EGFR: variants seen among roughly 807,000 people sequenced by gnomAD.
EGFR encodes the protein avian erythroblastic leukemia viral (v-erb-b) oncogene homolog.
A neutral mutation model predicts 143.0 loss-of-function variants in EGFR; 58 were observed. That is an observed-to-expected ratio of 0.41 (90% confidence interval 0.33 to 0.50). The LOEUF is 0.50. EGFR is among the 20% of genes least tolerant of loss of function. EGFR has a pLI of 0.39. For synonymous variants in EGFR, 613 were observed against 594.4 expected, an observed-to-expected ratio of 1.03 and a Z score of -0.45; for missense variants, 1,307 against 1,579.0, an observed-to-expected ratio of 0.83 and a Z score of 2.92.
chr7:55,169,500 C>T (rs938046141), intron 15 of EGFR, among the ~76,000 whole-genome samples: 2 of 152,022 alleles, frequency 1.3e-5, no homozygotes, highest in African/African-American at 4.8e-5. Context: ...TGAAAATTTG[C>T]CTATTTTAAT....
intron 1 of EGFR, among the ~76,000 whole-genome samples, chr7:55,057,168 A>G (rs1159932742): frequency 6.6e-6 from 1 of 152,220 alleles, no homozygotes; most frequent in Non-Finnish European, 1.5e-5. Flanking sequence ...GCTTACAGGG[A>G]GGCCAATTTT....
chr7:55,198,712 C>G lies in EGFR; in HGVS notation c.2702-5C>G, dbSNP rs754109027. On this transcript the variant is annotated splice_region_variant and splice_polypyrimidine_tract_variant and intron_variant, in intron 22 of 27. Transcript: ENST00000275493. ...CTGCCTTCTTTTCTTGCTTCATCCT[C>G]TCAGGGGTGACTGTTTGGGAGTTGA... The G allele has an allele frequency of 6.2e-7, 1 of 1,614,104 alleles. No homozygotes were observed. The highest frequency in any genetic ancestry group is 8.5e-7 in the Non-Finnish European group (1 of 1,180,044).
At chr7:55,101,059 C>A (rs1456623333) in intron 1 of EGFR, among the ~76,000 whole-genome samples, 1 of 152,248 alleles carries the variant, frequency 6.6e-6, no homozygotes, top group South Asian at 2.1e-4. Context: ...CCTCCCGCGG[C>A]TGAGCAGCCT....
chr7:55,153,241 G>A (rs17336612), intron 6 of EGFR, among the ~76,000 whole-genome samples: 48 of 152,184 alleles, frequency 3.2e-4, no homozygotes, highest in African/African-American at 1.1e-3. Flanking sequence ...ACTCACTGTC[G>A]CCCCATTGCT....
intron 1 of EGFR, among the ~76,000 whole-genome samples, chr7:55,135,412 A>G (rs908575181): frequency 6.6e-6 from 1 of 152,046 alleles, no homozygotes; most frequent in Non-Finnish European, 1.5e-5. Context: ...TGAGTATCAC[A>G]TGTGTATTTT....
At chr7:55,061,641 TGTGTGTGTGA>T (rs1039095135) in intron 1 of EGFR, among the ~76,000 whole-genome samples, 12 of 139,912 alleles carry the variant, frequency 8.6e-5, no homozygotes, top group African/African-American at 2.7e-4. Flanking sequence ...TGTGTGTGTG[TGTGTGTGTGA>T]GAGAGAGAGA....
intron 22 of EGFR, among the ~76,000 whole-genome samples, chr7:55,197,915 G>C (rs889813577): frequency 6.6e-6 from 1 of 152,152 alleles, no homozygotes; most frequent in Non-Finnish European, 1.5e-5. Context: ...ATTTTGTTGA[G>C]GATTTTTATG....
At chr7:55,200,529 A>C (rs1584270069) in intron 24 of EGFR, 116 bp downstream of exon 24, 5 of 1,047,674 alleles carry the variant, frequency 4.8e-6, no homozygotes, top group East Asian at 2.5e-5. Context: ...GCATTATTAA[A>C]CCCTCCAGCG....
chr7:55,169,099 A>ATTTTT (rs750170891), intron 15 of EGFR, among the ~76,000 whole-genome samples: 1 of 145,654 alleles, frequency 6.9e-6, no homozygotes, highest in African/African-American at 2.5e-5. Flanking sequence ...AGGAATAGCT[A>ATTTTT]TTTCTTTTTT....
At chr7:55,111,017 C>CT (rs1562722896) in intron 1 of EGFR, among the ~76,000 whole-genome samples, 1 of 152,176 alleles carries the variant, frequency 6.6e-6, no homozygotes, top group South Asian at 2.1e-4. Context: ...ATCATTGTTG[C>CT]TTTTTCCCCC....
At chr7:55,178,515 G>A (rs1047444317) in intron 19 of EGFR, among the ~76,000 whole-genome samples, 1 of 152,182 alleles carries the variant, frequency 6.6e-6, no homozygotes, top group South Asian at 2.1e-4. Context: ...GGGAGCCAGG[G>A]TCAGGAGACC....
chr7:55,057,947 A>G (rs1459647434), intron 1 of EGFR, among the ~76,000 whole-genome samples: 4 of 152,246 alleles, frequency 2.6e-5, no homozygotes, highest in African/African-American at 9.6e-5. Context: ...GTTACTTTCA[A>G]AAGGAAGTGT....
At chr7:55,149,264 A>G (rs534391432) in intron 4 of EGFR, among the ~76,000 whole-genome samples, 3 of 152,302 alleles carry the variant, frequency 2.0e-5, no homozygotes, top group African/African-American at 7.2e-5. Context: ...CACTCTGTGA[A>G]GTCATCTTTA....
At chr7:55,073,561 G>A (rs544760547) in intron 1 of EGFR, among the ~76,000 whole-genome samples, 12 of 152,280 alleles carry the variant, frequency 7.9e-5, no homozygotes, top group African/African-American at 2.6e-4. Flanking sequence ...AATGAAGTGT[G>A]TATTTTTTAT....
At chr7:55,148,821 C>T (rs1008739808) in intron 4 of EGFR, among the ~76,000 whole-genome samples, 1 of 151,874 alleles carries the variant, frequency 6.6e-6, no homozygotes, top group African/African-American at 2.4e-5. Context: ...TTTATGGCTA[C>T]ACGTTCCTGC....
At chr7:55,166,138 C>T (rs933073986) in intron 15 of EGFR, among the ~76,000 whole-genome samples, 1 of 151,674 alleles carries the variant, frequency 6.6e-6, no homozygotes, top group African/African-American at 2.4e-5. Flanking sequence ...GCACCAAGAG[C>T]GAAACTCTGT....
chr7:55,071,267 A>C (rs1466531761), intron 1 of EGFR, among the ~76,000 whole-genome samples: 2 of 152,256 alleles, frequency 1.3e-5, no homozygotes, highest in African/African-American at 2.4e-5. Flanking sequence ...AGATAGGAAC[A>C]CATATGCTGA....
intron 1 of EGFR, among the ~76,000 whole-genome samples, chr7:55,028,929 G>C (rs1787094466): frequency 6.6e-6 from 1 of 152,138 alleles, no homozygotes; most frequent in African/African-American, 2.4e-5. Flanking sequence ...AGAGGCCGAG[G>C]CGGGCGGATC....
chr7:55,072,324 C>CATGAT (rs1317934037), intron 1 of EGFR, among the ~76,000 whole-genome samples: 2 of 152,300 alleles, frequency 1.3e-5, no homozygotes, highest in Admixed American at 6.5e-5. Context: ...CATTATATCA[C>CATGAT]GGACAAAAGC....
Sources: allele counts gnomAD v4.1 joint callset (sites outside exome capture counted in the v4.1 genomes callset), GRCh38; gene constraint gnomAD v4.1.1; transcripts MANE v1.5; gene names NCBI Gene and HGNC (gene_info 2026-07-23, HGNC 2026-07-21).